The following NUDCD1 variants were observed in gnomAD, a reference collection of about 807,000 sequenced individuals.
NUDCD1 encodes the protein NudC domain containing 1, also known as nudC domain-containing protein 1.
A neutral mutation model predicts 67.8 loss-of-function variants in NUDCD1; 60 were observed. The observed-to-expected ratio is 0.88, with a 90% CI of 0.72 to 1.10. The LOEUF (loss-of-function observed/expected upper bound fraction) is 1.10, where lower values mean the gene tolerates loss of function less well. NUDCD1 is among the 50% of genes least tolerant of loss of function. NUDCD1 has a pLI of 0.00. For synonymous variants in NUDCD1, 244 were observed against 230.8 expected (o/e 1.06, Z -0.52); for missense variants, 643 against 695.0 (o/e 0.93, Z 0.84).
chr8:109,267,715 A>G (rs575774525), intron 8 of NUDCD1, among the ~76,000 whole-genome samples: 51 of 152,378 alleles, frequency 3.3e-4, no homozygotes, highest in African/African-American at 1.2e-3. Flanking sequence ...TAGTTAAAAC[A>G]GTATGTACAA....
chr8:109,319,375 A>G (rs1426600983), intron 2 of NUDCD1, among the ~76,000 whole-genome samples: 1 of 152,226 alleles, frequency 6.6e-6, no homozygotes, highest in Non-Finnish European at 1.5e-5. Context: ...AAAAGCGAGC[A>G]ACAAGAGACT....
intron 8 of NUDCD1, among the ~76,000 whole-genome samples, chr8:109,262,994 G>A (rs980653925): frequency 7.2e-6 from 1 of 139,502 alleles, no homozygotes; most frequent in Non-Finnish European, 1.5e-5. Context: ...GGCAAAGGTT[G>A]CAGTGAGCCG....
chr8:109,242,848 A>G lies in NUDCD1; in HGVS notation c.*161T>C. The G allele has an allele frequency of 2.2e-6, 1 of 457,552 alleles. No individual in the cohort carries two copies. Among genetic ancestry groups the G allele is most frequent in the Non-Finnish European group, 3.8e-6 (1 of 259,768 alleles). 28.3% of individuals were successfully genotyped at this position (457,552 alleles called of 1,614,324 possible). On this transcript the variant is annotated 3_prime_UTR_variant, in exon 10 of 10. Transcript: ENST00000239690. ...CAGCTTCATTCCACAGCTTTACAGAATCATAATCTCTTGAATATATTTCCA... is the reference window on the plus strand; with the variant it reads ...CAGCTTCATTCCACAGCTTTACAGAGTCATAATCTCTTGAATATATTTCCA...
intron 6 of NUDCD1, among the ~76,000 whole-genome samples, chr8:109,276,673 T>C (rs1368584266): frequency 6.6e-6 from 1 of 152,256 alleles, no homozygotes; most frequent in African/African-American, 2.4e-5. Flanking sequence ...TTTTCTTTTT[T>C]TGAGACAGAG....
chr8:109,286,229 T>C (rs1814571492), intron 5 of NUDCD1, among the ~76,000 whole-genome samples: 1 of 151,990 alleles, frequency 6.6e-6, no homozygotes, highest in South Asian at 2.1e-4. Flanking sequence ...TCCATACTGC[T>C]CAAAACAAAC....
At chr8:109,250,333 A>G (rs1285927259) in intron 8 of NUDCD1, among the ~76,000 whole-genome samples, 1 of 152,246 alleles carries the variant, frequency 6.6e-6, no homozygotes, top group Admixed American at 6.5e-5. Context: ...AGATGCCACA[A>G]AAGGAAAACA....
At chr8:109,304,093 A>C (rs1348430213) in intron 2 of NUDCD1, among the ~76,000 whole-genome samples, 2 of 152,086 alleles carry the variant, frequency 1.3e-5, no homozygotes, top group African/African-American at 4.8e-5. Flanking sequence ...TCCAATCCTT[A>C]AAAAACAGCC....
chr8:109,311,670 G>T (rs1371687281), intron 2 of NUDCD1, among the ~76,000 whole-genome samples: 2 of 151,512 alleles, frequency 1.3e-5, no homozygotes, highest in Non-Finnish European at 2.9e-5. Context: ...AGTAACTCAG[G>T]AATGGAAACC....
Position 109,245,303 on chromosome 8 carries a change from C to G in NUDCD1, c.1459+19G>C. On this transcript the variant is annotated intron_variant, in intron 9 of 9. Coordinates refer to ENST00000239690, the MANE Select transcript of NUDCD1 (RefSeq NM_032869.4). ...GTATTTCTGATTTCATGGAAAATGT[C>G]AAAGAGTTTGCTTTATACCTAAAGC... is the stretch of plus-strand genomic sequence containing the variant. The G allele has an allele frequency of 7.6e-6, 12 of 1,589,356 alleles. No individual in the cohort carries two copies. Among genetic ancestry groups the G allele is most frequent in the Non-Finnish European group, 1.0e-5 (12 of 1,167,974 alleles).
chr8:109,302,285 A>G (rs1016056034), intron 2 of NUDCD1, among the ~76,000 whole-genome samples: 11 of 152,122 alleles, frequency 7.2e-5, no homozygotes, highest in Admixed American at 5.9e-4. Context: ...TTCTCATAAA[A>G]TGGGCAAATG....
intron 2 of NUDCD1, among the ~76,000 whole-genome samples, chr8:109,302,206 A>G (rs1041423349): frequency 8.5e-5 from 13 of 152,130 alleles, no homozygotes; most frequent in Admixed American, 8.5e-4. Context: ...AATACAAACT[A>G]AACAATGATT....
chr8:109,290,580 C>T (rs190757187), intron 4 of NUDCD1, among the ~76,000 whole-genome samples: 2 of 152,044 alleles, frequency 1.3e-5, no homozygotes, highest in African/African-American at 4.8e-5. Context: ...TTTTTTTACA[C>T]AAGACATTTA....
intron 2 of NUDCD1, among the ~76,000 whole-genome samples, chr8:109,301,399 C>G (rs1041375734): frequency 3.3e-5 from 5 of 152,200 alleles, no homozygotes; most frequent in African/African-American, 1.2e-4. Flanking sequence ...TTGCTGACTC[C>G]TTTTTCGGAC....
At chr8:109,292,988 T>C (rs1814743426) in intron 4 of NUDCD1, among the ~76,000 whole-genome samples, 1 of 152,090 alleles carries the variant, frequency 6.6e-6, no homozygotes, top group African/African-American at 2.4e-5. Context: ...AATTATACTA[T>C]AATGTATTAA....
rs1404946258 is a variant in NUDCD1 at position 109,245,355 on chromosome 8, TATC to T, written c.1423_1425del (p.Asp475del). ...TTGAAAGTTGCGATGTGCTCCCACA[TATC>T]ATCTTGTTTGCTGGAGTGTGGTTGC... On this transcript the variant is annotated inframe_deletion, in exon 9 of 10. Coordinates refer to ENST00000239690, the MANE Select transcript of NUDCD1 (RefSeq NM_032869.4). 3 of 1,613,840 alleles carry T rather than the reference TATC, an allele frequency of 1.9e-6. No homozygotes were observed. The highest frequency in any genetic ancestry group is 2.2e-5 in the South Asian group (2 of 91,058).
chr8:109,332,417 C>A (rs1392197608), intron 1 of NUDCD1, among the ~76,000 whole-genome samples: 3 of 152,100 alleles, frequency 2.0e-5, no homozygotes, highest in African/African-American at 7.2e-5. Context: ...TTGGTACCAA[C>A]CTGGGCTAGT....
chr8:109,268,430 T>C (rs527907092), intron 8 of NUDCD1, among the ~76,000 whole-genome samples: 28 of 152,266 alleles, frequency 1.8e-4, no homozygotes, highest in Non-Finnish European at 3.5e-4. Flanking sequence ...GGTACTGTAA[T>C]GTATCAGTAA....
chr8:109,287,182 T>C (rs1338273107), intron 5 of NUDCD1, among the ~76,000 whole-genome samples: 1 of 152,186 alleles, frequency 6.6e-6, no homozygotes, highest in African/African-American at 2.4e-5. Flanking sequence ...TGATACACTA[T>C]TGGTGGGAAT....
At chr8:109,257,927 A>G (rs1813775829) in intron 8 of NUDCD1, among the ~76,000 whole-genome samples, 1 of 152,120 alleles carries the variant, frequency 6.6e-6, no homozygotes. Flanking sequence ...TTTGTCAAAC[A>G]CATGTATTAC....
Sources: allele counts gnomAD v4.1 joint callset (sites outside exome capture counted in the v4.1 genomes callset), GRCh38; gene constraint gnomAD v4.1.1; transcripts MANE v1.5; gene names NCBI Gene and HGNC (gene_info 2026-07-23, HGNC 2026-07-21).